COLEC10: variants seen among roughly 807,000 people sequenced by gnomAD.
COLEC10 encodes the protein collectin subfamily member 10, also known as collectin-10.
COLEC10 carries 22 observed loss-of-function variants against 28.4 expected under a neutral mutation model. That is an observed-to-expected ratio of 0.78 (90% confidence interval 0.55 to 1.11). The LOEUF (loss-of-function observed/expected upper bound fraction) is 1.11, where lower values mean the gene tolerates loss of function less well. Among genes scored for constraint, COLEC10 ranks in the 50% least tolerant of loss-of-function variants. COLEC10 has a pLI of 0.00. For synonymous variants in COLEC10, 125 were observed against 116.1 expected (o/e 1.08, Z -0.49); for missense variants, 361 against 344.1 (o/e 1.05, Z -0.39).
intron 2 of COLEC10, among the ~76,000 whole-genome samples, chr8:119,048,647 A>G (rs1814625206): frequency 6.6e-6 from 1 of 152,084 alleles, no homozygotes; most frequent in South Asian, 2.1e-4. Flanking sequence ...TATCTGTTAT[A>G]AGAATAGTGA....
chr8:119,100,159 T>G (rs1396399920), intron 3 of COLEC10, among the ~76,000 whole-genome samples: 1 of 152,148 alleles, frequency 6.6e-6, no homozygotes, highest in Non-Finnish European at 1.5e-5. Context: ...CACCTTGCTT[T>G]TTTTCATTAA....
chr8:118,994,132 T>C (rs1268630055), upstream of COLEC10, among the ~76,000 whole-genome samples: 1 of 152,214 alleles, frequency 6.6e-6, no homozygotes, highest in Non-Finnish European at 1.5e-5. Context: ...ATTCTCTTTT[T>C]ACATTCCTCC....
intron 2 of COLEC10, among the ~76,000 whole-genome samples, chr8:119,027,712 G>C (rs1302591099): frequency 6.6e-6 from 1 of 152,162 alleles, no homozygotes; most frequent in Non-Finnish European, 1.5e-5. Flanking sequence ...TCTCTGCACA[G>C]TTAAAATATC....
At chr8:118,975,700 G>C in the COLEC10 span, among the ~76,000 whole-genome samples, 1 of 151,954 alleles carries the variant, frequency 6.6e-6, no homozygotes, top group African/African-American at 2.4e-5. Context: ...TTTCCTAAGA[G>C]AGTGATAAGA....
the COLEC10 span, among the ~76,000 whole-genome samples, chr8:118,977,494 G>T: frequency 1.7e-3 from 250 of 143,918 alleles, no homozygotes; most frequent in Middle Eastern, 0.014. Context: ...GTAAACTATC[G>T]CAAGAACAAA....
At chr8:119,081,345 T>C (rs1815366161) in intron 1 of COLEC10, among the ~76,000 whole-genome samples, 1 of 152,168 alleles carries the variant, frequency 6.6e-6, no homozygotes, top group South Asian at 2.1e-4. Context: ...TGCTTATATT[T>C]TTAGATATTT....
intron 2 of COLEC10, among the ~76,000 whole-genome samples, chr8:119,058,280 TTA>T (rs1412097919): frequency 6.6e-6 from 1 of 152,070 alleles, no homozygotes; most frequent in East Asian, 1.9e-4. Flanking sequence ...GAGGTATAAA[TTA>T]TATGTCATAA....
At position 119,103,873 on chromosome 8, in the gene COLEC10, A is replaced by G; in HGVS notation, c.420A>G (p.Thr140=). The change falls in exon 5 of 6, where the codon ACA becomes ACG. Residue 140 remains threonine (T), a synonymous_variant. Transcript: ENST00000332843. ...ATATTAGTATTGCTCGGCTCAAGAC[A>G]TCTATGAAGTTTGTCAAGAATGGTG... is the stretch of plus-strand genomic sequence containing the variant. The part of the protein sequence containing the change: ...QLDISIARLK[T]SMKFVKNVIA... The G allele has an allele frequency of 6.2e-7, 1 of 1,611,694 alleles. No individual in the cohort carries two copies. The highest frequency in any genetic ancestry group is 1.1e-5 in the South Asian group (1 of 91,020).
rs143520893 is a variant in COLEC10 at position 119,042,662 on chromosome 8, C to T, written n.235+33109C>T. 9.7e-4 allele frequency among the ~76,000 whole-genome samples: 148 copies of T among 152,264 alleles called. 1 individual carries two copies. The highest frequency in any genetic ancestry group is 3.4e-3 in the Middle Eastern group (1 of 294). On this transcript the variant is annotated intron_variant and non_coding_transcript_variant, in intron 2 of 6. Coordinates refer to the COLEC10 transcript ENST00000521788. ...GCCAGTAGGAGTTAGATTTCAGATA[C>T]ATTCGGGTTTGAATTCTGACTCTGC...
At chr8:119,080,226 A>T (rs1815342379) in intron 1 of COLEC10, among the ~76,000 whole-genome samples, 1 of 152,092 alleles carries the variant, frequency 6.6e-6, no homozygotes, top group African/African-American at 2.4e-5. Context: ...CTGGGCATAG[A>T]TCATATCTTG....
chr8:119,077,467 A>G (rs1815270304), intron 1 of COLEC10, among the ~76,000 whole-genome samples: 1 of 152,142 alleles, frequency 6.6e-6, no homozygotes, highest in African/African-American at 2.4e-5. Flanking sequence ...GGGCTTTATT[A>G]ATGGGAAGAT....
At chr8:119,026,448 A>G (rs1267031433) in intron 2 of COLEC10, among the ~76,000 whole-genome samples, 2 of 152,184 alleles carry the variant, frequency 1.3e-5, no homozygotes, top group Non-Finnish European at 2.9e-5. Context: ...CGTGCCTACA[A>G]TCCCAGCTAC....
the COLEC10 span, among the ~76,000 whole-genome samples, chr8:118,953,593 T>C: frequency 2.0e-5 from 3 of 152,126 alleles, no homozygotes; most frequent in Non-Finnish European, 4.4e-5. Context: ...ATCTATAAGA[T>C]AAAAACACAC....
chr8:119,104,525 C>T (rs529440936), intron 5 of COLEC10, among the ~76,000 whole-genome samples: 1 of 152,156 alleles, frequency 6.6e-6, no homozygotes, highest in South Asian at 2.1e-4. Flanking sequence ...TGCTAGTTAT[C>T]AGAAAAGCCC....
At chr8:119,104,097 A>G (rs1373465301) in intron 5 of COLEC10, among the ~76,000 whole-genome samples, 1 of 152,122 alleles carries the variant, frequency 6.6e-6, no homozygotes, top group East Asian at 1.9e-4. Context: ...ATTTATATGT[A>G]TGTGCATTGC....
upstream of COLEC10, among the ~76,000 whole-genome samples, chr8:119,062,738 C>T (rs1447548635): frequency 1.3e-5 from 2 of 152,204 alleles, no homozygotes; most frequent in East Asian, 3.9e-4. Flanking sequence ...CCTCGGCCTC[C>T]CAAAGTGCTG....
chr8:119,046,223 T>C (rs1327065563), intron 2 of COLEC10, among the ~76,000 whole-genome samples: 1 of 151,964 alleles, frequency 6.6e-6, no homozygotes, highest in Non-Finnish European at 1.5e-5. Flanking sequence ...CCACTGTCTG[T>C]CTCCATTTGT....
chr8:118,967,268 T>C, the COLEC10 span, among the ~76,000 whole-genome samples: 1 of 152,002 alleles, frequency 6.6e-6, no homozygotes, highest in African/African-American at 2.4e-5. Flanking sequence ...TTAGCATATT[T>C]GAAATCATAA....
chr8:119,053,644 G>T (rs1369754013), intron 2 of COLEC10, among the ~76,000 whole-genome samples: 1 of 150,372 alleles, frequency 6.7e-6, no homozygotes, highest in Non-Finnish European at 1.5e-5. Flanking sequence ...TCTCCAGATG[G>T]TAACAGTGCC....
Sources: allele counts gnomAD v4.1 joint callset (sites outside exome capture counted in the v4.1 genomes callset), GRCh38; gene constraint gnomAD v4.1.1; transcripts MANE v1.5; gene names NCBI Gene and HGNC (gene_info 2026-07-23, HGNC 2026-07-21).